Variants in OR7C1 observed in about 807,000 individuals in gnomAD.
OR7C1 encodes the protein olfactory receptor 7C1.
For missense variants in OR7C1, 324 were observed against 383.3 expected (o/e 0.85, Z 1.29); for synonymous variants, 152 against 160.7 (o/e 0.95, Z 0.41).
rs943944318 is a variant in OR7C1, at chr19:14,810,568, G to A, written c.-622-575C>T. Among the ~76,000 whole-genome samples, 15 of 143,434 alleles carry A rather than the reference G, an allele frequency of 1.0e-4. 1 individual carries two copies. The highest frequency in any genetic ancestry group is 3.7e-4 in the African/African-American group (14 of 38,038). The allele number at this position is 143,434 out of a possible 152,430, so 94.1% of individuals were successfully genotyped here. A position where few individuals can be genotyped will look rare whatever the true frequency, so the allele number is the denominator to read the frequency against. ...CTAATTTTTTTTTTTTTTTTTTATAGTGGAGATAGCGTTTCACCATGTTAG... is the reference window on the plus strand; with the variant it reads ...CTAATTTTTTTTTTTTTTTTTTATAATGGAGATAGCGTTTCACCATGTTAG... On this transcript the variant is annotated intron_variant, in intron 1 of 4. Transcript: ENST00000641666.
intron 2 of OR7C1, among the ~76,000 whole-genome samples, chr19:14,802,708 T>A (rs1236582271): frequency 6.6e-6 from 1 of 152,160 alleles, no homozygotes; most frequent in Non-Finnish European, 1.5e-5. Context: ...CACGCTGACA[T>A]GTCTTGGAAG....
rs1240617290 is a variant in OR7C1, at chr19:14,810,548, T to A, written c.-622-555A>T. On this transcript the variant is annotated intron_variant, in intron 1 of 4. Transcript: ENST00000641666. Reference sequence around the variant, plus strand: ...GCGCCCGCCACCATGCCCGGCTAATTTTTTTTTTTTTTTTTTATAGTGGAG... The same window carrying A: ...GCGCCCGCCACCATGCCCGGCTAATATTTTTTTTTTTTTTTTATAGTGGAG... Among the ~76,000 whole-genome samples the A allele has an allele frequency of 1.0e-4, 13 of 129,430 alleles. 1 individual carries two copies. The highest frequency in any genetic ancestry group is 3.8e-4 in the African/African-American group (13 of 34,166). The allele number at this position is 129,430 out of a possible 152,430, so 84.9% of individuals were successfully genotyped here.
At position 14,799,813 on chromosome 19, in the gene OR7C1, T is replaced by A. The variant is rs762034824; in HGVS notation, c.324A>T (p.Gly108=). The A allele has an allele frequency of 2.5e-6, 4 of 1,613,370 alleles. No individual in the cohort carries two copies. The African/African-American group carries it at 5.4e-5, about 22-fold the overall frequency. The change falls in exon 5 of 5, where the codon GGA becomes GGT. Residue 108 remains glycine (G), a synonymous_variant. Coordinates refer to ENST00000641666, the Ensembl canonical transcript of OR7C1. ...CGGTCAAGAGTAAATTGTCCAGGCATCCAAATGAAGTGAAAAAAAAAATCT... is the reference window on the plus strand; with the variant it reads ...CGGTCAAGAGTAAATTGTCCAGGCAACCAAATGAAGTGAAAAAAAAAATCT...
intron 1 of OR7C1, chr19:14,827,138 G>T: frequency 6.5e-6 from 5 of 768,136 alleles, no homozygotes; most frequent in Admixed American, 3.0e-5. Context: ...AAAAGGAGTT[G>T]CTTAAATTCT....
chr19:14,799,290 G>C, exon 5 of OR7C1: 1 of 1,614,088 alleles, frequency 6.2e-7, no homozygotes, highest in East Asian at 2.2e-5. Flanking sequence ...TTCAGCATGG[G>C]GGTGACCATG....
At chr19:14,804,952 G>A (rs1301456352) in intron 2 of OR7C1, among the ~76,000 whole-genome samples, 1 of 151,122 alleles carries the variant, frequency 6.6e-6, no homozygotes, top group Non-Finnish European at 1.5e-5. Context: ...ACTCACTGTA[G>A]CCTTGACCTC....
intron 1 of OR7C1, chr19:14,827,483 A>G (rs1882376247): frequency 3.1e-6 from 5 of 1,614,026 alleles, no homozygotes; most frequent in African/African-American, 1.3e-5. Context: ...CTAGGATTGC[A>G]CCATAAAATA....
At chr19:14,821,689 GAATA>G (rs1433916080) in intron 1 of OR7C1, among the ~76,000 whole-genome samples, 16 of 152,294 alleles carry the variant, frequency 1.1e-4, no homozygotes, top group Non-Finnish European at 2.1e-4. Flanking sequence ...TGATGTGCTT[GAATA>G]TTTTCTTCTG....
intron 1 of OR7C1, among the ~76,000 whole-genome samples, chr19:14,834,078 G>T (rs10407481): frequency 0.014 from 1,904 of 136,298 alleles, 35 homozygotes; most frequent in African/African-American, 0.047. Context: ...TGGACAACGT[G>T]GTGAAACTCC....
intron 1 of OR7C1, among the ~76,000 whole-genome samples, chr19:14,810,380 T>TTG (rs1555694742): frequency 5.2e-5 from 5 of 96,610 alleles, no homozygotes; most frequent in African/African-American, 2.6e-4. Flanking sequence ...GAGTTTTTTT[T>TTG]TTTTGTTTTT....
Position 14,804,892 on chromosome 19 carries a change from G to T in OR7C1, c.-434-4128C>A, listed in dbSNP as rs533509581. On this transcript the variant is annotated intron_variant, in intron 2 of 4. Transcript: ENST00000641666. ...TTTCATCTCAATAATTTTTTTTTGA[G>T]ACAAGGTCTTGTTTTGTTGCCCAGG... Among the ~76,000 whole-genome samples, 606 of 151,682 alleles carry T rather than the reference G, an allele frequency of 4.0e-3. 6 individuals carry two copies. Among genetic ancestry groups the T allele is most frequent in the Non-Finnish European group, 6.7e-3 (453 of 67,966 alleles).
intron 2 of OR7C1, among the ~76,000 whole-genome samples, chr19:14,802,317 C>T (rs538541278): frequency 1.8e-4 from 27 of 152,186 alleles, no homozygotes; most frequent in African/African-American, 6.0e-4. Context: ...GTCAGGAGTT[C>T]GAGACCAGCC....
chr19:14,816,234 TA>T (rs1296275123), intron 1 of OR7C1, among the ~76,000 whole-genome samples: 1 of 152,148 alleles, frequency 6.6e-6, no homozygotes, highest in African/African-American at 2.4e-5. Flanking sequence ...AAAGGAGTGA[TA>T]AGGTGTGTGA....
chr19:14,812,938 G>A lies in OR7C1; in HGVS notation c.-622-2945C>T, dbSNP rs1221828181. Among the ~76,000 whole-genome samples the A allele has an allele frequency of 8.6e-5, 13 of 151,992 alleles. No individual in the cohort carries two copies. The South Asian group carries it at 1.5e-3, about 17-fold the overall frequency. ...AAATTAGCCAGGCAAAGTGGTGCAC[G>A]CCTGTAGTCCCAGCTACTTGGGAGG... On this transcript the variant is annotated intron_variant, in intron 1 of 4. Transcript: ENST00000641666.
chr19:14,816,380 C>T (rs951247229), intron 1 of OR7C1, among the ~76,000 whole-genome samples: 3 of 152,138 alleles, frequency 2.0e-5, no homozygotes, highest in South Asian at 2.1e-4. Flanking sequence ...ACCCTCAATC[C>T]GTGTGGGCAC....
rs142497883 is a variant in OR7C1 at position 14,799,156 on chromosome 19, T to A, written c.*18A>T. 4 of 1,572,026 alleles carry A rather than the reference T, an allele frequency of 2.5e-6. No individual in the cohort carries two copies. In the East Asian group the frequency reaches 9.0e-5, roughly 35 times the overall value. ...AAGAACCACCAAAAGTGCCTCCCAA[T>A]GGTCCAAGCCTTGCTACTTATGAAA... On this transcript the variant is annotated 3_prime_UTR_variant, in exon 5 of 5. Coordinates refer to ENST00000641666, the Ensembl canonical transcript of OR7C1.
rs890460421 is a variant in OR7C1, at chr19:14,803,466, A to G, written c.-434-2702T>C. ...TCTCCTTACTGTACACGTGGTTTGC[A>G]AGGAAAAGGGAAGATGGAGTCACCA... On this transcript the variant is annotated intron_variant, in intron 2 of 4. Transcript: ENST00000641666. Among the ~76,000 whole-genome samples the G allele has an allele frequency of 4.6e-5, 7 of 152,120 alleles. No individual in the cohort carries two copies. The East Asian group carries it at 9.7e-4, about 21-fold the overall frequency.
chr19:14,834,192 G>A (rs150818935), intron 1 of OR7C1, among the ~76,000 whole-genome samples: 1 of 152,268 alleles, frequency 6.6e-6, no homozygotes, highest in Non-Finnish European at 1.5e-5. Context: ...AGCCAAGGAG[G>A]TTGAGGCAGC....
intron 1 of OR7C1, among the ~76,000 whole-genome samples, chr19:14,829,805 G>T (rs1420375250): frequency 6.6e-6 from 1 of 152,130 alleles, no homozygotes; most frequent in Non-Finnish European, 1.5e-5. Flanking sequence ...TTGAGGCCAG[G>T]TCCCTCTTGC....
Sources: allele counts gnomAD v4.1 joint callset (sites outside exome capture counted in the v4.1 genomes callset), GRCh38; gene constraint gnomAD v4.1.1; transcripts MANE v1.5; gene names NCBI Gene and HGNC (gene_info 2026-07-23, HGNC 2026-07-21).